EPHB1: variants seen among roughly 807,000 people sequenced by gnomAD.
EPHB1 encodes the protein EPH receptor B1.
EPHB1 carries 30 observed loss-of-function variants against 94.4 expected under a neutral mutation model. The ratio of observed to expected loss-of-function variants is 0.32; its 90% confidence interval spans 0.24 to 0.43. The LOEUF (loss-of-function observed/expected upper bound fraction) is 0.43. Among genes scored for constraint, EPHB1 ranks in the 20% least tolerant of loss-of-function variants. The pLI, the probability that EPHB1 is intolerant of heterozygous loss-of-function variation, is 1.00. For synonymous variants in EPHB1, 522 were observed against 489.1 expected, an observed-to-expected ratio of 1.07 and a Z score of -0.89; for missense variants, 1,055 against 1,308.3, an observed-to-expected ratio of 0.81 and a Z score of 2.99.
At chr3:135,118,300 T>C (rs959374120) in intron 4 of EPHB1, among the ~76,000 whole-genome samples, 1 of 152,152 alleles carries the variant, frequency 6.6e-6, no homozygotes, top group Non-Finnish European at 1.5e-5. Context: ...TGATAGCTGA[T>C]TGGAATAAGA....
In EPHB1 at chr3:134,911,859, G is replaced by A. The variant is rs145245523; in HGVS notation, c.59-13957G>A. 9.3e-3 allele frequency among the ~76,000 whole-genome samples: 1,420 copies of A among 152,164 alleles called. 28 individuals carry two copies. The highest frequency in any genetic ancestry group is 0.032 in the African/African-American group (1,326 of 41,516). On this transcript the variant is annotated intron_variant, in intron 1 of 15. Coordinates refer to ENST00000398015, the MANE Select transcript of EPHB1 (RefSeq NM_004441.5). The stretch of plus-strand genomic sequence containing the variant: ...CTGACTGGTTGCCCCTCACTGGCAC[G>A]TCCCCAAGCCCCCCACAGCCATCCC...
At chr3:134,819,957 C>T (rs1331483559) in intron 1 of EPHB1, among the ~76,000 whole-genome samples, 1 of 152,144 alleles carries the variant, frequency 6.6e-6, no homozygotes, top group Non-Finnish European at 1.5e-5. Flanking sequence ...TGCTGTAACA[C>T]CTGATTCCAA....
chr3:134,951,665 A>G lies in EPHB1; in HGVS notation c.418A>G (p.Ile140Val), dbSNP rs1339918522. ...SEAPYLKVDT[I>V]AADESFSQVD... is the part of the protein sequence containing the mutation. The stretch of plus-strand genomic sequence containing the variant: ...GGCCCCCTACCTCAAAGTAGACACC[A>G]TTGCTGCAGATGAGAGCTTCTCCCA... Residue 140 changes from isoleucine to valine, a missense_variant, in exon 3 of 16, where the codon ATT becomes GTT. Physicochemically the swap from Ile to Val is conservative, Grantham distance 29. Transcript: ENST00000398015. This position sits in a 1 kb window ranked among gnomAD's most constrained non-coding sequence, Gnocchi z 4.5. 1.2e-6 allele frequency: 2 copies of G among 1,613,874 alleles called. No homozygotes were observed. Among genetic ancestry groups the G allele is most frequent in the East Asian group, 2.2e-5 (1 of 44,892 alleles).
rs765739683 is a variant in EPHB1, at chr3:135,179,876, G to A, written c.1776G>A (p.Lys592=). The part of the protein sequence containing the change: ...YSTGRGSPGM[K]IYIDPFTYED... ...TCCAACAAGGCTCCCCAGGGATGAA[G>A]ATCTACATTGACCCCTTCACTTACG... is the stretch of plus-strand genomic sequence containing the variant. The change falls in exon 10 of 16, where the codon AAG becomes AAA. Residue 592 remains lysine, a synonymous_variant. Coordinates refer to ENST00000398015, the MANE Select transcript of EPHB1 (RefSeq NM_004441.5). The A allele has an allele frequency of 3.1e-6, 5 of 1,613,922 alleles. No individual in the cohort carries two copies. In the South Asian group the frequency reaches 3.3e-5, roughly 11 times the overall value.
At chr3:134,800,863 A>T (rs761712733) in intron 1 of EPHB1, among the ~76,000 whole-genome samples, 3 of 152,242 alleles carry the variant, frequency 2.0e-5, no homozygotes, top group Non-Finnish European at 2.9e-5. Flanking sequence ...CCCACTTTTT[A>T]GATGAGAAGA....
intron 10 of EPHB1, among the ~76,000 whole-genome samples, chr3:135,180,764 C>G (rs1428354656): frequency 1.3e-5 from 2 of 152,202 alleles, no homozygotes; most frequent in East Asian, 3.8e-4. Context: ...TAAAACATCT[C>G]AAAAATCACT....
intron 15 of EPHB1, among the ~76,000 whole-genome samples, chr3:135,256,521 T>G (rs1206091344): frequency 2.6e-5 from 4 of 152,184 alleles, no homozygotes; most frequent in Non-Finnish European, 4.4e-5. Flanking sequence ...GAAAATTCTT[T>G]TCTTTAAGAA....
intron 11 of EPHB1, among the ~76,000 whole-genome samples, chr3:135,197,604 A>C (rs1942657547): frequency 6.6e-6 from 1 of 152,250 alleles, no homozygotes; most frequent in Non-Finnish European, 1.5e-5. Flanking sequence ...CGTCAATGAA[A>C]GTTGAAATAC....
chr3:135,222,967 G>T (rs111491088), intron 12 of EPHB1, among the ~76,000 whole-genome samples: 2 of 152,158 alleles, frequency 1.3e-5, no homozygotes, highest in African/African-American at 2.4e-5. Context: ...GTGCAATTTC[G>T]CAGAGTATGA....
At position 134,795,654 on chromosome 3, in the gene EPHB1, T is replaced by C. The variant is rs1245944825; in HGVS notation, c.23T>C (p.Leu8Pro). ...GCGATGGCCCTGGATTATCTACTAC[T>C]GCTCCTCCTGGCATCCGCAGTGGCT... is the stretch of plus-strand genomic sequence containing the variant. MALDYLL[L>P]LLLASAVAAM... Residue 8 changes from leucine to proline, a missense_variant, in exon 1 of 16, where the codon CTG becomes CCG. Transcript: ENST00000398015. 3.7e-6 allele frequency: 6 copies of C among 1,609,602 alleles called. No homozygotes were observed. The highest frequency in any genetic ancestry group is 5.1e-6 in the Non-Finnish European group (6 of 1,178,338).
chr3:134,886,669 T>G (rs61246846), intron 1 of EPHB1, among the ~76,000 whole-genome samples: 2,592 of 152,322 alleles, frequency 0.017, 68 homozygotes, highest in African/African-American at 0.059. Flanking sequence ...CATGTAATAT[T>G]TCTTGAGTAC....
intron 2 of EPHB1, among the ~76,000 whole-genome samples, chr3:134,940,429 G>A (rs2039088599): frequency 6.6e-6 from 1 of 152,214 alleles, no homozygotes; most frequent in South Asian, 2.1e-4. Context: ...TGATCACAGA[G>A]CTGTAACTGG....
intron 3 of EPHB1, among the ~76,000 whole-genome samples, chr3:135,093,131 G>A (rs1211400517): frequency 6.6e-6 from 1 of 152,232 alleles, no homozygotes; most frequent in Non-Finnish European, 1.5e-5. Context: ...CCCCAGATGT[G>A]TGTTGAGAGA....
chr3:135,211,488 C>T (rs767587078), intron 12 of EPHB1, among the ~76,000 whole-genome samples: 1 of 152,184 alleles, frequency 6.6e-6, no homozygotes, highest in Non-Finnish European at 1.5e-5. Flanking sequence ...TCTGGCAATG[C>T]ATTTCTTAGT....
At chr3:134,847,793 A>AT (rs2036903812) in intron 1 of EPHB1, among the ~76,000 whole-genome samples, 2 of 152,174 alleles carry the variant, frequency 1.3e-5, no homozygotes, top group Non-Finnish European at 2.9e-5. Flanking sequence ...TTGGATAAGC[A>AT]TAAGTGTTGT....
intron 5 of EPHB1, among the ~76,000 whole-genome samples, chr3:135,148,881 C>T (rs1039204496): frequency 5.9e-5 from 9 of 152,240 alleles, no homozygotes; most frequent in Non-Finnish European, 8.8e-5. Flanking sequence ...GCTTCTGACA[C>T]ATTTACAAGG....
At chr3:134,909,340 C>G (rs908033859) in intron 1 of EPHB1, among the ~76,000 whole-genome samples, 8 of 152,334 alleles carry the variant, frequency 5.3e-5, no homozygotes, top group Middle Eastern at 3.4e-3. Context: ...AAATGTCTCT[C>G]TGGGAAAGTA....
At chr3:135,250,276 CAGGGT>C (rs1206931996) in intron 15 of EPHB1, among the ~76,000 whole-genome samples, 1 of 152,104 alleles carries the variant, frequency 6.6e-6, no homozygotes, top group African/African-American at 2.4e-5. Flanking sequence ...TTTTGAGGGG[CAGGGT>C]TTTATAGAAC....
At chr3:135,106,747 T>G in intron 4 of EPHB1, 144 bp downstream of exon 4, 1 of 1,047,140 alleles carries the variant, frequency 9.5e-7, no homozygotes, top group South Asian at 1.6e-5. Flanking sequence ...AACATACAAC[T>G]CCTATGCTCG....
Sources: gnomAD v4.1 joint callset for allele counts (sites outside exome capture counted in the v4.1 genomes callset) on GRCh38, gnomAD v4.1.1 for gene constraint, Gnocchi (gnomAD v3.1) non-coding constraint, MANE v1.5 for transcripts, NCBI Gene and HGNC (gene_info 2026-07-23, HGNC 2026-07-21) for gene names.